The following GALNTL6 variants were observed in gnomAD, a reference collection of about 807,000 sequenced individuals.
GALNTL6 encodes the protein polypeptide N-acetylgalactosaminyltransferase like 6.
A neutral mutation model predicts 73.7 loss-of-function variants in GALNTL6; 46 were observed. That is an observed-to-expected ratio of 0.62 (90% CI 0.49 to 0.80). The LOEUF is 0.80. Ranked by LOEUF, GALNTL6 falls within the 30% of genes least tolerant of loss-of-function variation. The pLI, the probability that GALNTL6 is intolerant of heterozygous loss-of-function variation, is 0.00. For synonymous variants in GALNTL6, 259 were observed against 263.7 expected, an observed-to-expected ratio of 0.98 and a Z score of 0.17; for missense variants, 604 against 755.0, an observed-to-expected ratio of 0.80 and a Z score of 2.34.
intron 2 of GALNTL6, among the ~76,000 whole-genome samples, chr4:171,835,492 T>C (rs1412900712): frequency 1.3e-5 from 2 of 152,030 alleles, no homozygotes; most frequent in Admixed American, 6.6e-5. Flanking sequence ...ATAACCTAAA[T>C]GTTACTCAAG....
At chr4:171,834,377 A>G (rs947248541) in intron 2 of GALNTL6, among the ~76,000 whole-genome samples, 4 of 152,078 alleles carry the variant, frequency 2.6e-5, no homozygotes, top group African/African-American at 7.2e-5. Flanking sequence ...CCTGAGACTC[A>G]TGGAGTTTTC....
chr4:172,460,188 C>T (rs1732560758), intron 5 of GALNTL6, among the ~76,000 whole-genome samples: 1 of 152,082 alleles, frequency 6.6e-6, no homozygotes, highest in South Asian at 2.1e-4. Flanking sequence ...TGAAACTGAA[C>T]CCCTTCTTTG....
At chr4:172,025,636 A>C (rs984235322) in intron 2 of GALNTL6, among the ~76,000 whole-genome samples, 34 of 152,074 alleles carry the variant, frequency 2.2e-4, no homozygotes, top group African/African-American at 7.7e-4. Context: ...TTTGGTTTTC[A>C]GTTACTGTCA....
intron 5 of GALNTL6, among the ~76,000 whole-genome samples, chr4:172,492,870 G>A (rs758652831): frequency 6.6e-6 from 1 of 152,124 alleles, no homozygotes; most frequent in Non-Finnish European, 1.5e-5. Context: ...TTATCCCAGT[G>A]TCTGAAATCC....
At chr4:172,892,467 TGAA>T (rs1746083843) in intron 8 of GALNTL6, among the ~76,000 whole-genome samples, 1 of 152,116 alleles carries the variant, frequency 6.6e-6, no homozygotes, top group African/African-American at 2.4e-5. Context: ...TGTTGGGTGT[TGAA>T]GAAATTTTTT....
intron 2 of GALNTL6, among the ~76,000 whole-genome samples, chr4:172,107,963 G>A (rs1732733001): frequency 6.6e-6 from 1 of 152,048 alleles, no homozygotes; most frequent in South Asian, 2.1e-4. Context: ...CTGTCACATG[G>A]AAGAAAAGTA....
intron 11 of GALNTL6, among the ~76,000 whole-genome samples, chr4:173,016,298 C>T (rs1752779724): frequency 1.3e-5 from 2 of 152,202 alleles, no homozygotes. Context: ...AAGAGGGCCA[C>T]CATCCTCCAG....
chr4:172,212,486 T>A (rs1736358819), intron 2 of GALNTL6, among the ~76,000 whole-genome samples: 1 of 152,050 alleles, frequency 6.6e-6, no homozygotes, highest in African/African-American at 2.4e-5. Flanking sequence ...TTAGCATACA[T>A]TAAGGTTCCC....
intron 2 of GALNTL6, among the ~76,000 whole-genome samples, chr4:172,223,808 C>A (rs1022942144): frequency 2.0e-5 from 3 of 152,104 alleles, no homozygotes; most frequent in Admixed American, 2.0e-4. Context: ...TCACCTGGTT[C>A]TTAGTATTCA....
chr4:172,046,272 G>A (rs1742220457), intron 2 of GALNTL6, among the ~76,000 whole-genome samples: 1 of 152,044 alleles, frequency 6.6e-6, no homozygotes, highest in African/African-American at 2.4e-5. Flanking sequence ...GTACCCAGAA[G>A]TGAGCTTGTT....
At chr4:172,131,398 G>A (rs941103945) in intron 2 of GALNTL6, among the ~76,000 whole-genome samples, 3 of 134,652 alleles carry the variant, frequency 2.2e-5, no homozygotes, top group Non-Finnish European at 4.6e-5. Context: ...GTTTCACCAT[G>A]CCTTTAAAAT....
intron 5 of GALNTL6, among the ~76,000 whole-genome samples, chr4:172,419,376 T>C (rs1243690913): frequency 2.0e-5 from 3 of 152,130 alleles, no homozygotes; most frequent in Non-Finnish European, 4.4e-5. Flanking sequence ...AAGAGCAGAG[T>C]GCCTGGGGCA....
chr4:172,104,877 A>T (rs1285930776), intron 2 of GALNTL6, among the ~76,000 whole-genome samples: 1 of 152,202 alleles, frequency 6.6e-6, no homozygotes, highest in Non-Finnish European at 1.5e-5. Context: ...AGATCCTGGT[A>T]GATATGGATG....
At chr4:173,035,240 G>A (rs911167040) in intron 12 of GALNTL6, among the ~76,000 whole-genome samples, 3 of 149,884 alleles carry the variant, frequency 2.0e-5, no homozygotes, top group Non-Finnish European at 3.0e-5. Flanking sequence ...GTGCAATGGC[G>A]CAATCTCGGC....
At chr4:172,220,440 C>T (rs1301788948) in intron 2 of GALNTL6, among the ~76,000 whole-genome samples, 1 of 151,720 alleles carries the variant, frequency 6.6e-6, no homozygotes, top group Non-Finnish European at 1.5e-5. Flanking sequence ...AATAAAATTA[C>T]ATCAGCACTA....
At chr4:172,322,470 T>C (rs1318191321) in intron 4 of GALNTL6, among the ~76,000 whole-genome samples, 1 of 152,148 alleles carries the variant, frequency 6.6e-6, no homozygotes, top group Non-Finnish European at 1.5e-5. Flanking sequence ...ATACTCACAT[T>C]ACTATAAGGA....
At chr4:172,372,547 A>C (rs1208564179) in intron 5 of GALNTL6, among the ~76,000 whole-genome samples, 1 of 152,122 alleles carries the variant, frequency 6.6e-6, no homozygotes, top group East Asian at 1.9e-4. Flanking sequence ...CAATTTCCTT[A>C]CTTAGGTATG....
At chr4:172,103,821 A>AC (rs1305656612) in intron 2 of GALNTL6, among the ~76,000 whole-genome samples, 11 of 152,214 alleles carry the variant, frequency 7.2e-5, no homozygotes, top group Non-Finnish European at 1.2e-4. Flanking sequence ...GGCTTGCCTG[A>AC]CATTCCTAGC....
chr4:172,265,190 G>GGC (rs1738409506), intron 3 of GALNTL6, among the ~76,000 whole-genome samples: 1 of 151,970 alleles, frequency 6.6e-6, no homozygotes, highest in Admixed American at 6.6e-5. Flanking sequence ...TGGATTTCAA[G>GGC]GCGCAACCGT....
Sources: gnomAD v4.1 joint callset for allele counts (sites outside exome capture counted in the v4.1 genomes callset) on GRCh38, gnomAD v4.1.1 for gene constraint, MANE v1.5 for transcripts, NCBI Gene and HGNC (gene_info 2026-07-23, HGNC 2026-07-21) for gene names.